SLC9B2: variants seen among roughly 807,000 people sequenced by gnomAD.
SLC9B2 encodes sodium/hydrogen exchanger 9B2.
In SLC9B2, 39 loss-of-function variants were observed where a neutral mutation model predicts 52.2. That is an observed-to-expected ratio of 0.75 (90% confidence interval 0.58 to 0.98). The LOEUF is 0.98. SLC9B2 is among the 50% of genes least tolerant of loss of function. The pLI is 0.00. For missense variants in SLC9B2, 626 were observed against 637.5 expected (o/e 0.98, Z 0.19); for synonymous variants, 214 against 227.0 (o/e 0.94, Z 0.51).
At chr4:103,022,089 A>T (rs1181113053), downstream of SLC9B2, among the ~76,000 whole-genome samples, 1 of 152,210 alleles carries the variant, frequency 6.6e-6, no homozygotes, top group Non-Finnish European at 1.5e-5. Context: ...TGTATTCCTC[A>T]CATTGTCAAT....
chr4:103,066,897 C>T (rs183178622), intron 2 of SLC9B2, among the ~76,000 whole-genome samples: 1,890 of 151,824 alleles, frequency 0.012, 17 homozygotes, highest in Non-Finnish European at 0.021. Context: ...AAATTACCTT[C>T]GGATTACCTG....
intron 10 of SLC9B2, among the ~76,000 whole-genome samples, chr4:103,031,296 C>T (rs1044554925): frequency 1.3e-5 from 2 of 152,058 alleles, no homozygotes; most frequent in Non-Finnish European, 2.9e-5. Flanking sequence ...AATTAATGAA[C>T]AACAAGGCAT....
chr4:103,044,799 G>A, intron 8 of SLC9B2, 91 bp downstream of exon 8: 1 of 1,019,944 alleles, frequency 9.8e-7, no homozygotes, highest in South Asian at 1.4e-5. Context: ...GCTCAAACAT[G>A]TCCTTCACAT....
At chr4:103,054,845 C>G (rs1744984555) in intron 4 of SLC9B2, among the ~76,000 whole-genome samples, 1 of 152,160 alleles carries the variant, frequency 6.6e-6, no homozygotes, top group African/African-American at 2.4e-5. Context: ...CCTCAGGGAT[C>G]TAGAACTAGA....
At chr4:103,066,556 A>G in intron 2 of SLC9B2, 49 bp from the exon 3 acceptor site, 1 of 1,533,422 alleles carries the variant, frequency 6.5e-7, no homozygotes, top group South Asian at 1.2e-5. Context: ...TATATTTTAC[A>G]CATATTTATA....
At chr4:103,038,464 T>A (rs1743362640) in intron 9 of SLC9B2, among the ~76,000 whole-genome samples, 1 of 152,204 alleles carries the variant, frequency 6.6e-6, no homozygotes, top group Non-Finnish European at 1.5e-5. Context: ...TCACAATGTA[T>A]CTTCTTGTGG....
rs982641648 is a variant in SLC9B2, at chr4:103,033,642, A to C, written c.1147-1834T>G. Among the ~76,000 whole-genome samples, 21 of 152,280 alleles carry C rather than the reference A, an allele frequency of 1.4e-4. No individual in the cohort carries two copies. In the East Asian group the frequency reaches 2.9e-3, roughly 21 times the overall value. ...TTAGGATAAAAAATCAATGCACAAA[A>C]ATCATTATTTCTATACACAAATAAC... is the stretch of plus-strand genomic sequence containing the variant. On this transcript the variant is annotated intron_variant, in intron 9 of 11. Transcript: ENST00000394785.
intron 3 of SLC9B2, among the ~76,000 whole-genome samples, chr4:103,059,119 C>T (rs1040695158): frequency 6.6e-6 from 1 of 151,984 alleles, no homozygotes; most frequent in Non-Finnish European, 1.5e-5. Flanking sequence ...AAACTGTGCA[C>T]TAAAAATTGA....
At chr4:103,026,637 C>T (rs774052225) in intron 11 of SLC9B2, 46 bp from the exon 12 acceptor site, 1 of 1,533,998 alleles carries the variant, frequency 6.5e-7, no homozygotes, top group East Asian at 2.3e-5. Context: ...AAGATAAGCA[C>T]ATATAAAAAA....
intron 10 of SLC9B2, among the ~76,000 whole-genome samples, chr4:103,030,645 A>G (rs1349807754): frequency 6.6e-6 from 1 of 151,956 alleles, no homozygotes; most frequent in South Asian, 2.1e-4. Flanking sequence ...AAATAGAGGA[A>G]TTTTATATAT....
At chr4:103,049,895 C>T (rs946706287) in intron 5 of SLC9B2, among the ~76,000 whole-genome samples, 2 of 151,966 alleles carry the variant, frequency 1.3e-5, no homozygotes, top group African/African-American at 4.8e-5. Context: ...GTCTGTAATC[C>T]CACCTACTTG....
chr4:103,048,899 A>G lies in SLC9B2; in HGVS notation c.707T>C (p.Ile236Thr). ...LLGLPWQWGFILGFVLGAVSP... is the reference protein window; with the variant it reads ...LLGLPWQWGFTLGFVLGAVSP... ...ACAAAGAAACAATCATTACCCCAGT[A>G]TAAATCCCCATTGCCATGGTAAACC... The change falls in exon 6 of 12, where the codon ATA (isoleucine) becomes ACA (threonine). Residue 236 changes from isoleucine to threonine, a missense_variant. Transcript: ENST00000394785. 6.2e-7 allele frequency: 1 copy of G among 1,613,848 alleles called. No homozygotes were observed.
intron 4 of SLC9B2, among the ~76,000 whole-genome samples, chr4:103,056,552 T>C: frequency 6.6e-6 from 1 of 152,200 alleles, no homozygotes; most frequent in East Asian, 1.9e-4. Flanking sequence ...TCGGCCAATA[T>C]TATATTTTAA....
chr4:103,061,327 T>C (rs1022906250), intron 3 of SLC9B2, among the ~76,000 whole-genome samples: 1 of 152,134 alleles, frequency 6.6e-6, no homozygotes, highest in South Asian at 2.1e-4. Flanking sequence ...TACTATGCAG[T>C]CATAAAAAAT....
intron 3 of SLC9B2, among the ~76,000 whole-genome samples, chr4:103,061,401 T>C (rs1285163478): frequency 6.6e-6 from 1 of 152,020 alleles, no homozygotes; most frequent in Admixed American, 6.6e-5. Flanking sequence ...CAGCAAACTA[T>C]TGCAAGGACA....
chr4:103,057,250 A>ATATATATGTG (rs1473691678), intron 4 of SLC9B2, among the ~76,000 whole-genome samples: 142 of 41,926 alleles, frequency 3.4e-3, no homozygotes, highest in Middle Eastern at 0.027. Flanking sequence ...TTAAGTATAT[A>ATATATATGTG]TATATATATA....
intron 6 of SLC9B2, among the ~76,000 whole-genome samples, 161 bp from the exon 7 acceptor site, chr4:103,047,387 G>C (rs1440306336): frequency 7.1e-6 from 1 of 141,110 alleles, no homozygotes; most frequent in African/African-American, 2.6e-5. Flanking sequence ...ATTGTTTTTT[G>C]TTTTTTTTTC....
chr4:103,047,497 C>T (rs1395331810), intron 6 of SLC9B2, among the ~76,000 whole-genome samples: 1 of 150,616 alleles, frequency 6.6e-6, no homozygotes, highest in African/African-American at 2.4e-5. Context: ...CACCCATTAA[C>T]TCGTCATTTA....
intron 1 of SLC9B2, among the ~76,000 whole-genome samples, chr4:103,074,707 A>G (rs1444303723): frequency 2.0e-5 from 3 of 152,236 alleles, no homozygotes; most frequent in Non-Finnish European, 4.4e-5. Flanking sequence ...TGAATACTGA[A>G]TGAAGAAAAG....
Sources: allele counts gnomAD v4.1 joint callset (sites outside exome capture counted in the v4.1 genomes callset), GRCh38; gene constraint gnomAD v4.1.1; transcripts MANE v1.5; gene names NCBI Gene and HGNC (gene_info 2026-07-23, HGNC 2026-07-21).